Variants in GRM5 observed in about 807,000 individuals in gnomAD.
GRM5 encodes the protein glutamate metabotropic receptor 5.
A neutral mutation model predicts 83.1 loss-of-function variants in GRM5; 19 were observed. The ratio of observed to expected loss-of-function variants is 0.23; its 90% CI spans 0.16 to 0.34. GRM5 has a LOEUF of 0.34. Among genes scored for constraint, GRM5 ranks in the 10% least tolerant of loss-of-function variants. GRM5 has a pLI of 1.00. For missense variants in GRM5, 1,160 were observed against 1,588.3 expected, an observed-to-expected ratio of 0.73 and a Z score of 4.58; for synonymous variants, 675 against 633.6, an observed-to-expected ratio of 1.07 and a Z score of -0.98.
intron 2 of GRM5, among the ~76,000 whole-genome samples, chr11:88,911,517 T>C (rs1945498810): frequency 6.6e-6 from 1 of 152,182 alleles, no homozygotes; most frequent in Admixed American, 6.6e-5. Flanking sequence ...TAAACACCTT[T>C]CTATCCATAT....
intron 3 of GRM5, among the ~76,000 whole-genome samples, chr11:88,658,220 T>A (rs1034067196): frequency 1.4e-4 from 21 of 152,216 alleles, no homozygotes; most frequent in African/African-American, 4.1e-4. Context: ...GTTTCATCCA[T>A]GAAACCAGTC....
intron 2 of GRM5, among the ~76,000 whole-genome samples, chr11:88,981,674 T>C (rs1485347499): frequency 6.6e-6 from 1 of 152,288 alleles, no homozygotes; most frequent in South Asian, 2.1e-4. Flanking sequence ...GATTATAAAA[T>C]TGAAATACCT....
intron 4 of GRM5, among the ~76,000 whole-genome samples, chr11:88,636,766 A>C (rs993615017): frequency 6.6e-6 from 1 of 152,196 alleles, no homozygotes; most frequent in Non-Finnish European, 1.5e-5. Context: ...AGCTTTCTAC[A>C]TATGGCTAGC....
intron 7 of GRM5, among the ~76,000 whole-genome samples, chr11:88,572,794 T>G (rs1236757759): frequency 6.6e-6 from 1 of 152,158 alleles, no homozygotes; most frequent in Non-Finnish European, 1.5e-5. Flanking sequence ...GTTTCATCCT[T>G]ACTGTAATGG....
chr11:88,650,595 G>C (rs954049506), intron 4 of GRM5, among the ~76,000 whole-genome samples: 1 of 151,970 alleles, frequency 6.6e-6, no homozygotes, highest in African/African-American at 2.4e-5. Flanking sequence ...GGGAAGAAAT[G>C]TTCAATTGAT....
intron 3 of GRM5, among the ~76,000 whole-genome samples, chr11:88,839,538 TGAG>T (rs781071854): frequency 1.3e-5 from 2 of 152,320 alleles, no homozygotes; most frequent in Non-Finnish European, 2.9e-5. Context: ...AATAATGCCA[TGAG>T]TTGACACAGA....
At chr11:88,797,021 G>A (rs767996981) in intron 3 of GRM5, among the ~76,000 whole-genome samples, 1 of 151,760 alleles carries the variant, frequency 6.6e-6, no homozygotes, top group African/African-American at 2.4e-5. Flanking sequence ...GGAAATGTTT[G>A]CTGTTGAATT....
rs186617620 is a variant in GRM5 at position 88,613,789 on chromosome 11, T to C, written c.1148-8825A>G. Among the ~76,000 whole-genome samples, 194 of 152,318 alleles carry C rather than the reference T, an allele frequency of 1.3e-3. 1 individual carries two copies. The highest frequency in any genetic ancestry group is 1.1e-3 in the Non-Finnish European group (72 of 68,022). Reference sequence around the variant, plus strand: ...ACTTCCTTCATGAAGACCACCATGATTGCAGATATTAAAATTAAGTTGCAC... The same window carrying C: ...ACTTCCTTCATGAAGACCACCATGACTGCAGATATTAAAATTAAGTTGCAC... On this transcript the variant is annotated intron_variant, in intron 4 of 9. Coordinates refer to ENST00000305447, the MANE Select transcript of GRM5 (RefSeq NM_001143831.3).
At chr11:88,766,317 C>T (rs889366427) in intron 3 of GRM5, among the ~76,000 whole-genome samples, 4 of 151,968 alleles carry the variant, frequency 2.6e-5, no homozygotes, top group African/African-American at 9.7e-5. Flanking sequence ...TACTACGGGG[C>T]TCCCATAACC....
chr11:88,755,742 C>T (rs985442113), intron 3 of GRM5, among the ~76,000 whole-genome samples: 2 of 152,044 alleles, frequency 1.3e-5, no homozygotes, highest in African/African-American at 4.8e-5. Context: ...TGCCTCCAAA[C>T]AGAGAATTAA....
At chr11:88,522,569 T>TTCTCTC (rs146352449) in intron 9 of GRM5, among the ~76,000 whole-genome samples, 324 of 138,602 alleles carry the variant, frequency 2.3e-3, no homozygotes, top group African/African-American at 2.7e-3. Context: ...CAGGTCTCTC[T>TTCTCTC]TCTCTCTCTC....
intron 1 of GRM5, 44 bp downstream of exon 1, chr11:89,065,732 C>A (rs1346023180): frequency 6.6e-6 from 1 of 152,274 alleles, no homozygotes; most frequent in African/African-American, 2.4e-5. Flanking sequence ...ATCCTATATC[C>A]GTGGTAACTA....
intron 2 of GRM5, among the ~76,000 whole-genome samples, chr11:88,882,854 G>A (rs1944982885): frequency 6.6e-6 from 1 of 152,106 alleles, no homozygotes; most frequent in Admixed American, 6.5e-5. Flanking sequence ...GGAGGTAACT[G>A]AATCATGAGG....
At chr11:88,629,553 A>G (rs1455238166) in intron 4 of GRM5, among the ~76,000 whole-genome samples, 1 of 152,038 alleles carries the variant, frequency 6.6e-6, no homozygotes, top group African/African-American at 2.4e-5. Flanking sequence ...CCTCTTCATG[A>G]TGGACTCTTC....
chr11:89,033,519 T>C (rs1467096506), intron 2 of GRM5, among the ~76,000 whole-genome samples: 1 of 152,024 alleles, frequency 6.6e-6, no homozygotes, highest in African/African-American at 2.4e-5. Flanking sequence ...TATAAAATGT[T>C]GAATTTTTAA....
chr11:88,744,162 T>C (rs1942084639), intron 3 of GRM5, among the ~76,000 whole-genome samples: 1 of 152,150 alleles, frequency 6.6e-6, no homozygotes, highest in Admixed American at 6.6e-5. Flanking sequence ...TAACTTTGCG[T>C]CTTCTTTCAG....
intron 2 of GRM5, among the ~76,000 whole-genome samples, chr11:88,886,313 CG>C (rs1426085071): frequency 6.6e-6 from 1 of 152,126 alleles, no homozygotes; most frequent in East Asian, 1.9e-4. Flanking sequence ...AATGGGGGCT[CG>C]TCCGGGATAA....
At chr11:88,611,511 T>C (rs924914342) in intron 4 of GRM5, among the ~76,000 whole-genome samples, 1 of 152,244 alleles carries the variant, frequency 6.6e-6, no homozygotes. Context: ...ACAGTGATGC[T>C]GACAATAGTC....
chr11:88,851,753 A>AAGGGC (rs1211814614), intron 2 of GRM5, among the ~76,000 whole-genome samples: 4 of 152,192 alleles, frequency 2.6e-5, no homozygotes, highest in African/African-American at 9.6e-5. Context: ...ACAAACTGCA[A>AAGGGC]AGGGCAGAGC....
Sources: gnomAD v4.1 joint callset for allele counts (sites outside exome capture counted in the v4.1 genomes callset) on GRCh38, gnomAD v4.1.1 for gene constraint, MANE v1.5 for transcripts, NCBI Gene and HGNC (gene_info 2026-07-23, HGNC 2026-07-21) for gene names.